DLG2: variants seen among roughly 807,000 people sequenced by gnomAD.
The protein encoded by DLG2 is discs large MAGUK scaffold protein 2, also known as disks large homolog 2.
A neutral mutation model predicts 132.5 loss-of-function variants in DLG2; 45 were observed. The ratio of observed to expected loss-of-function variants is 0.34; its 90% confidence interval spans 0.27 to 0.44. The LOEUF (loss-of-function observed/expected upper bound fraction) is 0.44, where lower values mean the gene tolerates loss of function less well. DLG2 is among the 20% of genes least tolerant of loss of function. DLG2 has a pLI of 1.00. For missense variants in DLG2, 1,045 were observed against 1,196.9 expected, an observed-to-expected ratio of 0.87 and a Z score of 1.87; for synonymous variants, 424 against 419.6, an observed-to-expected ratio of 1.01 and a Z score of -0.13.
chr11:83,496,197 T>C (rs1274528006), intron 21 of DLG2, among the ~76,000 whole-genome samples: 1 of 150,630 alleles, frequency 6.6e-6, no homozygotes, highest in Non-Finnish European at 1.5e-5. Flanking sequence ...TATATATATA[T>C]ATATATAAGT....
intron 7 of DLG2, among the ~76,000 whole-genome samples, chr11:84,354,397 A>G (rs1301546588): frequency 1.3e-5 from 2 of 152,274 alleles, no homozygotes; most frequent in South Asian, 2.1e-4. Flanking sequence ...ACTTGCCTGC[A>G]TATCGTCTCC....
At chr11:83,565,016 C>A (rs12273919) in intron 19 of DLG2, among the ~76,000 whole-genome samples, 33,265 of 152,096 alleles carry the variant, frequency 0.22, 3,794 homozygotes, top group Non-Finnish European at 0.24. Context: ...GTTTCCCTCA[C>A]TGGACTATGA....
chr11:84,849,969 A>AAATATT, intron 6 of DLG2, among the ~76,000 whole-genome samples: 1 of 152,256 alleles, frequency 6.6e-6, no homozygotes, highest in Non-Finnish European at 1.5e-5. Flanking sequence ...ATGATATCTA[A>AAATATT]CTGCCTCCAG....
intron 8 of DLG2, among the ~76,000 whole-genome samples, chr11:84,205,206 T>C (rs1252659756): frequency 1.3e-5 from 2 of 152,196 alleles, no homozygotes; most frequent in African/African-American, 4.8e-5. Context: ...ATCTTAACTG[T>C]ATTCATACCT....
intron 19 of DLG2, among the ~76,000 whole-genome samples, chr11:83,561,880 TTTC>T (rs1424978707): frequency 7.1e-5 from 9 of 127,560 alleles, no homozygotes; most frequent in Non-Finnish European, 1.4e-4. Flanking sequence ...TTAGTATTTC[TTTC>T]TTTTTTTTTT....
intron 3 of DLG2, among the ~76,000 whole-genome samples, chr11:85,574,551 T>C (rs1344601819): frequency 1.3e-5 from 2 of 152,176 alleles, no homozygotes; most frequent in African/African-American, 2.4e-5. Flanking sequence ...CTCATATTGC[T>C]ATGTGATCCC....
rs117828853 is a variant in DLG2, at chr11:85,386,439, A to G, written c.41-101074T>C. Among the ~76,000 whole-genome samples, 21 of 152,282 alleles carry G rather than the reference A, an allele frequency of 1.4e-4. No individual in the cohort carries two copies. In the East Asian group the frequency reaches 3.9e-3, roughly 28 times the overall value. ...AGAGACAACATTCCTATCTCATCAC[A>G]TTGACTTCTGACGTGCTTTTCTGAT... On this transcript the variant is annotated intron_variant, in intron 3 of 27. Coordinates refer to ENST00000376104, the MANE Select transcript of DLG2 (RefSeq NM_001142699.3).
At chr11:84,225,298 C>A (rs766905907) in intron 8 of DLG2, among the ~76,000 whole-genome samples, 5 of 152,154 alleles carry the variant, frequency 3.3e-5, no homozygotes, top group Non-Finnish European at 5.9e-5. Context: ...TCTAAGTAGA[C>A]AAACATGCAT....
At chr11:84,867,699 G>A (rs1055357619) in intron 6 of DLG2, among the ~76,000 whole-genome samples, 1 of 152,184 alleles carries the variant, frequency 6.6e-6, no homozygotes, top group Non-Finnish European at 1.5e-5. Flanking sequence ...GCATCAAGGA[G>A]ACTCTTATGC....
chr11:85,013,427 C>A (rs1309011284), intron 6 of DLG2, among the ~76,000 whole-genome samples: 11 of 151,950 alleles, frequency 7.2e-5, no homozygotes, highest in Non-Finnish European at 1.6e-4. Context: ...GCAAAGATGC[C>A]CCAGCTAGAA....
chr11:83,601,079 A>G (rs1482306730), intron 19 of DLG2, among the ~76,000 whole-genome samples: 1 of 152,232 alleles, frequency 6.6e-6, no homozygotes, highest in Non-Finnish European at 1.5e-5. Context: ...ATGATAGAGT[A>G]AGATACAATC....
At chr11:84,189,922 G>C (rs2096370586) in intron 8 of DLG2, among the ~76,000 whole-genome samples, 1 of 151,682 alleles carries the variant, frequency 6.6e-6, no homozygotes, top group African/African-American at 2.4e-5. Flanking sequence ...AACCACCATG[G>C]CACACGTTTC....
chr11:85,291,310 T>A (rs936405865), intron 3 of DLG2, among the ~76,000 whole-genome samples: 34 of 152,122 alleles, frequency 2.2e-4, no homozygotes, highest in Admixed American at 1.8e-3. Flanking sequence ...GAATGCCCAA[T>A]GTGTAACATC....
At chr11:85,088,673 T>C (rs2068307431) in intron 6 of DLG2, among the ~76,000 whole-genome samples, 2 of 152,192 alleles carry the variant, frequency 1.3e-5, no homozygotes, top group Non-Finnish European at 2.9e-5. Context: ...AAATTTTGTA[T>C]TTCCCCTGCG....
intron 6 of DLG2, among the ~76,000 whole-genome samples, chr11:84,954,728 T>A (rs1265579458): frequency 1.3e-5 from 2 of 152,208 alleles, no homozygotes; most frequent in African/African-American, 4.8e-5. Flanking sequence ...GACAGTCCCC[T>A]ATTAGGCTTC....
At position 85,382,010 on chromosome 11, in the gene DLG2, T is replaced by C. The variant is rs139565631; in HGVS notation, c.41-96645A>G. ...CAAAAAATCTCAGATGACTTTTTTC[T>C]AGACATTGACAAGCTGATCCTAAAA... On this transcript the variant is annotated intron_variant, in intron 3 of 27. Transcript: ENST00000376104. Among the ~76,000 whole-genome samples, 143 of 152,280 alleles carry C rather than the reference T, an allele frequency of 9.4e-4. 5 individuals are homozygous for C. In the East Asian group the frequency reaches 0.024, roughly 26 times the overall value.
chr11:84,263,003 C>T (rs1194273014), intron 7 of DLG2, among the ~76,000 whole-genome samples: 2 of 152,160 alleles, frequency 1.3e-5, no homozygotes, highest in African/African-American at 4.8e-5. Context: ...GAAATAACCA[C>T]ACTCCAGTCA....
In DLG2 at chr11:85,118,354, G is replaced by A. The variant is rs150869705; in HGVS notation, c.283-6619C>T. Among the ~76,000 whole-genome samples, 52 of 152,174 alleles carry A rather than the reference G, an allele frequency of 3.4e-4. No individual in the cohort carries two copies. In the East Asian group the frequency reaches 9.1e-3, roughly 27 times the overall value. On this transcript the variant is annotated intron_variant, in intron 5 of 27. Coordinates refer to ENST00000376104, the MANE Select transcript of DLG2 (RefSeq NM_001142699.3). ...TCCTCAACACTTTTCAAAATCCTTTGTGACTTCAGGCAGACATTTGCCCAG... is the reference window on the plus strand; with the variant it reads ...TCCTCAACACTTTTCAAAATCCTTTATGACTTCAGGCAGACATTTGCCCAG...
At chr11:84,616,927 T>C (rs531719859) in intron 6 of DLG2, among the ~76,000 whole-genome samples, 1 of 151,706 alleles carries the variant, frequency 6.6e-6, no homozygotes, top group Non-Finnish European at 1.5e-5. Context: ...CAAAGAAGCA[T>C]TGCTAGAAAT....
Sources: allele counts gnomAD v4.1 joint callset (sites outside exome capture counted in the v4.1 genomes callset), GRCh38; gene constraint gnomAD v4.1.1; transcripts MANE v1.5; gene names NCBI Gene and HGNC (gene_info 2026-07-23, HGNC 2026-07-21).